The following USH2A variants were observed in gnomAD, a reference collection of about 807,000 sequenced individuals.
The protein encoded by USH2A is usherin.
A neutral mutation model predicts 538.9 loss-of-function variants in USH2A; 443 were observed. That is an observed-to-expected ratio of 0.82 (90% confidence interval 0.76 to 0.89). The LOEUF is 0.89. USH2A is among the 40% of genes least tolerant of loss of function. The pLI, the probability that USH2A is intolerant of heterozygous loss-of-function variation, is 0.00. For synonymous variants in USH2A, 2,413 were observed against 2,273.5 expected, an observed-to-expected ratio of 1.06 and a Z score of -1.75; for missense variants, 6,633 against 6,324.8, an observed-to-expected ratio of 1.05 and a Z score of -1.65.
At chr1:216,225,141 C>T (rs904773867) in intron 14 of USH2A, among the ~76,000 whole-genome samples, 3 of 152,100 alleles carry the variant, frequency 2.0e-5, no homozygotes, top group Admixed American at 6.6e-5. Flanking sequence ...ATTTCTTATA[C>T]TTGATGGAAT....
intron 3 of USH2A, among the ~76,000 whole-genome samples, chr1:216,412,505 C>G (rs2039505015): frequency 6.6e-6 from 1 of 151,934 alleles, no homozygotes; most frequent in Non-Finnish European, 1.5e-5. Flanking sequence ...TTGCGCAGAA[C>G]TTTATACAAA....
chr1:215,706,814 T>C (rs1020017218), intron 61 of USH2A, among the ~76,000 whole-genome samples: 5 of 152,232 alleles, frequency 3.3e-5, no homozygotes, highest in Non-Finnish European at 4.4e-5. Flanking sequence ...TTATGGAATA[T>C]CTATTGACTC....
rs1386988410 is a variant in USH2A at position 215,799,109 on chromosome 1, T to C, written c.9756A>G (p.Pro3252=). The change falls in exon 50 of 72, where the codon CCA becomes CCG. Residue 3252 remains proline (P), a synonymous_variant. Coordinates refer to ENST00000307340, the MANE Select transcript of USH2A (RefSeq NM_206933.4). ...ARILPGEVCC[P]DEQHNRVSVG... The stretch of plus-strand genomic sequence containing the variant: ...CAGAAACCCGATTGTGCTGTTCATC[T>C]GGACAGCATACTTCACCTGTCAATT... 1.9e-6 allele frequency: 3 copies of C among 1,613,874 alleles called. No individual in the cohort carries two copies. The highest frequency in any genetic ancestry group is 3.3e-5 in the Admixed American group (2 of 59,940).
At chr1:215,986,845 A>C (rs989575242) in intron 35 of USH2A, among the ~76,000 whole-genome samples, 3 of 152,224 alleles carry the variant, frequency 2.0e-5, no homozygotes, top group African/African-American at 7.2e-5. Context: ...CAGCTTTATA[A>C]GATGCCTCTA....
intron 23 of USH2A, among the ~76,000 whole-genome samples, chr1:216,088,515 T>C (rs1361162594): frequency 1.3e-5 from 2 of 152,204 alleles, no homozygotes; most frequent in Non-Finnish European, 2.9e-5. Flanking sequence ...ACAGTGATCA[T>C]GTTATAATTA....
At chr1:216,280,972 G>T (rs1327734811) in intron 11 of USH2A, among the ~76,000 whole-genome samples, 1 of 152,092 alleles carries the variant, frequency 6.6e-6, no homozygotes, top group Non-Finnish European at 1.5e-5. Context: ...ATTCAATTTT[G>T]CAGTTTATAA....
chr1:215,971,485 G>A (rs11120704), intron 35 of USH2A, among the ~76,000 whole-genome samples: 23,610 of 152,022 alleles, frequency 0.16, 2,083 homozygotes, highest in African/African-American at 0.24. Flanking sequence ...GCCGGGTGTG[G>A]TGACTCATAC....
intron 37 of USH2A, among the ~76,000 whole-genome samples, chr1:215,961,331 A>G (rs1352573930): frequency 6.6e-6 from 1 of 151,794 alleles, no homozygotes; most frequent in Non-Finnish European, 1.5e-5. Flanking sequence ...TGAATACACA[A>G]CAGAAATATG....
chr1:216,353,388 C>A (rs566078571), intron 4 of USH2A, among the ~76,000 whole-genome samples: 1 of 151,374 alleles, frequency 6.6e-6, no homozygotes, highest in African/African-American at 2.4e-5. Flanking sequence ...ATTAGTGAAA[C>A]AAGATCCAAT....
chr1:216,020,067 C>T (rs1023302768), intron 32 of USH2A, among the ~76,000 whole-genome samples: 6 of 152,110 alleles, frequency 3.9e-5, no homozygotes, highest in African/African-American at 1.4e-4. Context: ...TCTTTTAAAA[C>T]AGCAATTTTC....
Position 215,782,836 on chromosome 1 carries a change from T to C in USH2A, c.10487A>G (p.Glu3496Gly). The C allele has an allele frequency of 6.2e-7, 1 of 1,614,014 alleles. No individual in the cohort carries two copies. Among genetic ancestry groups the C allele is most frequent in the Non-Finnish European group, 8.5e-7 (1 of 1,179,922 alleles). Residue 3496 changes from glutamate to glycine, a missense_variant, in exon 53 of 72, where the codon GAA becomes GGA. By Grantham distance (98) the Glu-to-Gly change is moderately conservative. Transcript: ENST00000307340. ...LSKAVRARTKEDVPQGVSPPT... is the reference protein window; with the variant it reads ...LSKAVRARTKGDVPQGVSPPT... Reference sequence around the variant, plus strand: ...GGGACTCACTCCTTGAGGCACATCTTCTTTTGTTCTGGCTCTCACAGCTTT... The same window carrying C: ...GGGACTCACTCCTTGAGGCACATCTCCTTTTGTTCTGGCTCTCACAGCTTT...
intron 13 of USH2A, among the ~76,000 whole-genome samples, chr1:216,245,722 A>G (rs188514939): frequency 1.4e-4 from 21 of 152,252 alleles, no homozygotes; most frequent in Admixed American, 1.4e-3. Context: ...TTACACACTG[A>G]CCAATGCCAA....
rs185820687 is a variant in USH2A at position 216,136,833 on chromosome 1, A to T, written c.4627+38419T>A. On this transcript the variant is annotated intron_variant, in intron 21 of 71. Transcript: ENST00000307340. ...AAAAGGAACATCAAAGATTGCCAGC[A>T]AACCACCAGAAGCTGGGTGAACCAT... Among the ~76,000 whole-genome samples, 229 of 152,298 alleles carry T rather than the reference A, an allele frequency of 1.5e-3. 1 individual carries two copies. Among genetic ancestry groups the T allele is most frequent in the African/African-American group, 5.4e-3 (225 of 41,580 alleles).
intron 35 of USH2A, among the ~76,000 whole-genome samples, chr1:215,974,079 T>C (rs1325270546): frequency 6.6e-6 from 1 of 151,556 alleles, no homozygotes; most frequent in African/African-American, 2.4e-5. Context: ...ATTATATTGA[T>C]ACACACACAC....
chr1:215,728,476 T>A, intron 60 of USH2A, 92 bp from the exon 61 acceptor site: 1 of 1,282,940 alleles, frequency 7.8e-7, no homozygotes, highest in Non-Finnish European at 1.1e-6. Context: ...TAGAATTTGT[T>A]ATCAACTTAA....
intron 32 of USH2A, among the ~76,000 whole-genome samples, chr1:216,021,541 G>A (rs1320315065): frequency 6.6e-6 from 1 of 152,054 alleles, no homozygotes; most frequent in African/African-American, 2.4e-5. Flanking sequence ...AGCAGCGTGA[G>A]AACAGACTAA....
At chr1:216,118,829 G>A (rs1298841102) in intron 21 of USH2A, among the ~76,000 whole-genome samples, 3 of 152,140 alleles carry the variant, frequency 2.0e-5, no homozygotes, top group Non-Finnish European at 4.4e-5. Flanking sequence ...GACCTCAACA[G>A]GTCCCCTGGA....
intron 13 of USH2A, among the ~76,000 whole-genome samples, chr1:216,235,161 T>TTTCCC (rs1382835609): frequency 2.0e-5 from 3 of 152,176 alleles, no homozygotes; most frequent in Middle Eastern, 3.2e-3. Flanking sequence ...AAAACAATCT[T>TTTCCC]TTCCCTTCCC....
chr1:215,841,856 C>A (rs1305000143), intron 46 of USH2A, among the ~76,000 whole-genome samples: 1 of 151,940 alleles, frequency 6.6e-6, no homozygotes, highest in African/African-American at 2.4e-5. Context: ...CAAGAAAAAA[C>A]AACCCCATCA....
Sources: gnomAD v4.1 joint callset for allele counts (sites outside exome capture counted in the v4.1 genomes callset) on GRCh38, gnomAD v4.1.1 for gene constraint, MANE v1.5 for transcripts, NCBI Gene and HGNC (gene_info 2026-07-23, HGNC 2026-07-21) for gene names.